OVCH1: variants seen among roughly 807,000 people sequenced by gnomAD.
OVCH1 encodes ovochymase-1.
A neutral mutation model predicts 138.4 loss-of-function variants in OVCH1; 139 were observed. The observed-to-expected ratio is 1.00, with a 90% confidence interval of 0.87 to 1.16. The LOEUF (loss-of-function observed/expected upper bound fraction) is 1.16, where lower values mean the gene tolerates loss of function less well. Ranked by LOEUF, OVCH1 falls within the 50% of genes most tolerant of loss-of-function variation. The pLI is 0.00. For synonymous variants in OVCH1, 453 were observed against 467.8 expected (o/e 0.97, Z 0.41); for missense variants, 1,367 against 1,357.9 (o/e 1.01, Z -0.11).
At chr12:29,444,685 A>G (rs187535057) in intron 23 of OVCH1, among the ~76,000 whole-genome samples, 288 of 152,200 alleles carry the variant, frequency 1.9e-3, no homozygotes, top group African/African-American at 6.9e-3. Flanking sequence ...ACATATTCTC[A>G]GCAATGCTTT....
chr12:29,451,430 C>G (rs747321202), exon 22 of OVCH1: 1 of 1,613,250 alleles, frequency 6.2e-7, no homozygotes, highest in Non-Finnish European at 8.5e-7. Flanking sequence ...GTGACAGATA[C>G]TCAATGGTAA....
chr12:29,445,021 A>C (rs1941576255), intron 23 of OVCH1, among the ~76,000 whole-genome samples: 1 of 152,070 alleles, frequency 6.6e-6, no homozygotes, highest in South Asian at 2.1e-4. Flanking sequence ...CCACAGAAAA[A>C]AGTTATCTTG....
At chr12:29,443,559 A>G in intron 24 of OVCH1, 59 bp from the exon 25 acceptor site, 1 of 1,442,310 alleles carries the variant, frequency 6.9e-7, no homozygotes, top group Non-Finnish European at 9.3e-7. Context: ...ATTGTTAGTT[A>G]TTTTGCTCAG....
chr12:29,405,682 C>T, the OVCH1 span, among the ~76,000 whole-genome samples: 30,994 of 152,168 alleles, frequency 0.2, 3,932 homozygotes, highest in Middle Eastern at 0.3. Context: ...ATCTTCACTA[C>T]GGTTCTAGGA....
intron 26 of OVCH1, among the ~76,000 whole-genome samples, chr12:29,437,966 TTC>T (rs1941395532): frequency 1.3e-5 from 2 of 152,316 alleles, no homozygotes; most frequent in South Asian, 4.1e-4. Flanking sequence ...CTGTAAACAC[TTC>T]TTATATTAAT....
At chr12:29,412,297 C>T (rs12809791), downstream of OVCH1, among the ~76,000 whole-genome samples, 85,454 of 151,710 alleles carry the variant, frequency 0.56, 26,126 homozygotes, top group Middle Eastern at 0.77. Flanking sequence ...GGCTCACGCA[C>T]GGTGAGCTGC....
chr12:29,449,542 C>A (rs764565106), intron 22 of OVCH1, among the ~76,000 whole-genome samples: 7 of 152,076 alleles, frequency 4.6e-5, no homozygotes. Flanking sequence ...TTTCCTTGAG[C>A]AGTGGTTTGT....
At chr12:29,431,822 G>A (rs1487901146) in intron 27 of OVCH1, among the ~76,000 whole-genome samples, 1 of 152,130 alleles carries the variant, frequency 6.6e-6, no homozygotes, top group Non-Finnish European at 1.5e-5. Flanking sequence ...AAAACAGAAT[G>A]AATATATGTA....
At chr12:29,428,867 T>A (rs1406183700) in intron 27 of OVCH1, among the ~76,000 whole-genome samples, 2 of 152,194 alleles carry the variant, frequency 1.3e-5, no homozygotes, top group African/African-American at 2.4e-5. Flanking sequence ...TCAAAAAGTT[T>A]CCCTCTATGA....
At chr12:29,427,964 GT>G (rs1226197305) in intron 27 of OVCH1, among the ~76,000 whole-genome samples, 1 of 152,142 alleles carries the variant, frequency 6.6e-6, no homozygotes, top group Non-Finnish European at 1.5e-5. Context: ...GAGGAATGAT[GT>G]TACCAGTTTG....
intron 27 of OVCH1, among the ~76,000 whole-genome samples, chr12:29,432,290 A>G (rs1941283674): frequency 6.6e-6 from 1 of 152,212 alleles, no homozygotes; most frequent in African/African-American, 2.4e-5. Context: ...TACACATAAA[A>G]CTGGCTAAAG....
intron 7 of OVCH1, chr12:29,487,210 C>T (rs968133741): frequency 5.1e-6 from 1 of 195,710 alleles, no homozygotes; most frequent in Non-Finnish European, 1.1e-5. Flanking sequence ...CTGCAGACGA[C>T]AGGTTTGGTA....
At chr12:29,470,983 T>C (rs1385345268) in intron 16 of OVCH1, among the ~76,000 whole-genome samples, 1 of 152,230 alleles carries the variant, frequency 6.6e-6, no homozygotes, top group Non-Finnish European at 1.5e-5. Flanking sequence ...TATTGAGCTT[T>C]TTTTCATATA....
At chr12:29,485,115 C>A (rs191338915) in intron 8 of OVCH1, among the ~76,000 whole-genome samples, 7 of 152,074 alleles carry the variant, frequency 4.6e-5, no homozygotes, top group Admixed American at 4.6e-4. Flanking sequence ...TATAAAGATG[C>A]TAACGTACAA....
At chr12:29,445,455 A>C (rs1941588058) in intron 22 of OVCH1, 52 bp from the exon 23 acceptor site, 1 of 1,525,266 alleles carries the variant, frequency 6.6e-7, no homozygotes, top group African/African-American at 1.4e-5. Flanking sequence ...ATTTGACAGC[A>C]GTTTCTGTAT....
At position 29,495,310 on chromosome 12, in the gene OVCH1, C is replaced by T. The variant is rs1477881125; in HGVS notation, c.429G>A (p.Leu143=). The stretch of plus-strand genomic sequence containing the variant: ...CAAACTTGACTTTGTGTTTTAGATA[C>T]AGCAGTGCAATATCAGGACTCATAT... The change falls in exon 4 of 28, where the codon CTG becomes CTA. Residue 143 remains leucine (L), a synonymous_variant. Coordinates refer to ENST00000318184, the Ensembl canonical transcript of OVCH1. 3 of 1,612,096 alleles carry T rather than the reference C, an allele frequency of 1.9e-6. No homozygotes were observed. In the African/African-American group the frequency reaches 4.0e-5, roughly 22 times the overall value.
chr12:29,465,199 C>T lies in OVCH1; in HGVS notation c.1877G>A (p.Trp626Ter). 1 of 1,603,084 alleles carries T rather than the reference C, an allele frequency of 6.2e-7. No homozygotes were observed. Among genetic ancestry groups the T allele is most frequent in the East Asian group, 2.2e-5 (1 of 44,636 alleles). ...GTCATGGTCCCCAGCAATAATAGTC[C>T]AGGAGAGTGGATTATTCTTCCTGGA... Residue 626 changes from tryptophan to a stop codon, truncating the protein, a stop_gained, in exon 17 of 28, where the codon TGG (tryptophan) becomes TAG (stop). Transcript: ENST00000318184. LOFTEE classifies it high-confidence loss of function.
chr12:29,486,262 G>A lies in OVCH1; in HGVS notation c.979C>T (p.Gln327Ter). The change falls in exon 8 of 28, where the codon CAG becomes TAG. Residue 327 changes from glutamine to a stop codon, truncating the protein, a stop_gained. Transcript: ENST00000318184. LOFTEE classifies it high-confidence loss of function. ...GAACCACACATACCCTTTCCTCTCTGGCTTCCATTCACTTCTTGGACAGAA... is the reference window on the plus strand; with the variant it reads ...GAACCACACATACCCTTTCCTCTCTAGCTTCCATTCACTTCTTGGACAGAA... The A allele has an allele frequency of 2.5e-6, 4 of 1,612,866 alleles. No individual in the cohort carries two copies. Among genetic ancestry groups the A allele is most frequent in the Non-Finnish European group, 3.4e-6 (4 of 1,179,048 alleles).
At chr12:29,474,678 G>A (rs1464257533) in intron 14 of OVCH1, among the ~76,000 whole-genome samples, 4 of 152,146 alleles carry the variant, frequency 2.6e-5, no homozygotes, top group South Asian at 2.1e-4. Context: ...TGAGTAGCAC[G>A]TACTTTATCT....
Sources: allele counts gnomAD v4.1 joint callset (sites outside exome capture counted in the v4.1 genomes callset), GRCh38; gene constraint gnomAD v4.1.1; transcripts MANE v1.5; gene names NCBI Gene and HGNC (gene_info 2026-07-23, HGNC 2026-07-21).